Variants in TMEM9 observed in about 807,000 individuals in gnomAD.
The protein encoded by TMEM9 is transmembrane protein 9.
TMEM9 carries 13 observed loss-of-function variants against 22.8 expected under a neutral mutation model. The ratio of observed to expected loss-of-function variants is 0.57; its 90% confidence interval spans 0.37 to 0.91. The LOEUF is 0.91. Among genes scored for constraint, TMEM9 ranks in the 40% least tolerant of loss-of-function variants. The pLI is 0.01. For missense variants in TMEM9, 182 were observed against 238.1 expected (o/e 0.76, Z 1.55); for synonymous variants, 88 against 93.0 (o/e 0.95, Z 0.31).
intron 1 of TMEM9, among the ~76,000 whole-genome samples, chr1:201,159,939 G>A (rs907852765): frequency 7.2e-5 from 11 of 152,148 alleles, no homozygotes; most frequent in Admixed American, 6.5e-4. Flanking sequence ...GGTGCTACAT[G>A]TTCTGCTCCC....
chr1:201,140,065 G>A (rs1344924183), intron 4 of TMEM9, among the ~76,000 whole-genome samples: 1 of 152,232 alleles, frequency 6.6e-6, no homozygotes, highest in Admixed American at 6.5e-5. Context: ...GAACACAGCT[G>A]CCACCCATGT....
At chr1:201,152,785 T>C (rs1408143639) in intron 1 of TMEM9, among the ~76,000 whole-genome samples, 1 of 152,204 alleles carries the variant, frequency 6.6e-6, no homozygotes, top group Non-Finnish European at 1.5e-5. Context: ...GATGTTAACA[T>C]TGCAGAAAAG....
At chr1:201,139,336 G>A (rs906380119) in intron 4 of TMEM9, among the ~76,000 whole-genome samples, 5 of 152,176 alleles carry the variant, frequency 3.3e-5, no homozygotes, top group Non-Finnish European at 7.4e-5. Flanking sequence ...TCAGCAAGAG[G>A]ACTATACAGC....
intron 4 of TMEM9, among the ~76,000 whole-genome samples, chr1:201,140,454 G>A (rs750933553): frequency 9.2e-5 from 14 of 152,220 alleles, no homozygotes; most frequent in South Asian, 8.3e-4. Flanking sequence ...GGGAGGCAGC[G>A]CCCAGCAATC....
At chr1:201,166,535 G>C (rs548474048) in intron 1 of TMEM9, among the ~76,000 whole-genome samples, 1 of 151,856 alleles carries the variant, frequency 6.6e-6, no homozygotes, top group East Asian at 1.9e-4. Context: ...GCTAATTTTT[G>C]TGTTTTTAGT....
intron 2 of TMEM9, among the ~76,000 whole-genome samples, chr1:201,150,282 C>T (rs1665319464): frequency 6.6e-6 from 1 of 152,196 alleles, no homozygotes; most frequent in South Asian, 2.1e-4. Flanking sequence ...AAGGCTAGTG[C>T]TTCAGGAGGA....
At position 201,139,745 on chromosome 1, in the gene TMEM9, G is replaced by C. The variant is rs140642958; in HGVS notation, c.400-3930C>G. Among the ~76,000 whole-genome samples, 546 of 152,310 alleles carry C rather than the reference G, an allele frequency of 3.6e-3. 2 individuals carry two copies. The highest frequency in any genetic ancestry group is 0.013 in the African/African-American group (524 of 41,554). On this transcript the variant is annotated intron_variant, in intron 4 of 4. Coordinates refer to ENST00000367330, the MANE Select transcript of TMEM9 (RefSeq NM_001288565.2). The stretch of plus-strand genomic sequence containing the variant: ...ATTGAAATAGCGCATTCTTAAGGAC[G>C]AGCAAACACTTGTAAAGCTTCCATA...
intron 1 of TMEM9, 200 bp downstream of exon 1, chr1:201,153,658 C>T (rs1225495237): frequency 8.0e-7 from 1 of 1,257,652 alleles, no homozygotes; most frequent in African/African-American, 1.5e-5. Flanking sequence ...CTGTGCCCCA[C>T]CCTTCCTCAC....
intron 2 of TMEM9, among the ~76,000 whole-genome samples, chr1:201,150,784 C>T (rs762723658): frequency 3.0e-4 from 45 of 152,146 alleles, no homozygotes; most frequent in Non-Finnish European, 4.6e-4. Flanking sequence ...GAATCAAAAT[C>T]GAGCAGTGGT....
At position 201,154,193 on chromosome 1, in the gene TMEM9, G is replaced by C. The variant is rs926050845; in HGVS notation, c.-270C>G. On this transcript the variant is annotated 5_prime_UTR_variant, in exon 1 of 5. Transcript: ENST00000367330. ...GTCCTCGAGGGGACACCGCTGCCAG[G>C]GGCCTCCAGTTCCTTCTCAAGGCCC... The C allele has an allele frequency of 1.6e-5, 7 of 424,674 alleles. No individual in the cohort carries two copies. The highest frequency in any genetic ancestry group is 2.1e-5 in the Non-Finnish European group (5 of 236,006). 26.3% of individuals were successfully genotyped at this position (424,674 alleles called of 1,614,324 possible).
At chr1:201,141,382 T>A (rs1425987419) in intron 4 of TMEM9, among the ~76,000 whole-genome samples, 1 of 152,156 alleles carries the variant, frequency 6.6e-6, no homozygotes, top group East Asian at 1.9e-4. Context: ...CACAGACATC[T>A]GTGACCTGGA....
intron 3 of TMEM9, 48 bp from the exon 4 acceptor site, chr1:201,143,999 C>A (rs752192340): frequency 6.2e-7 from 1 of 1,604,600 alleles, no homozygotes; most frequent in Non-Finnish European, 8.5e-7. Context: ...GAGGCCAGGG[C>A]TAGAAATCCG....
rs186904711 is a variant in TMEM9 at position 201,167,284 on chromosome 1, A to G, written c.-37+4206T>C. On this transcript the variant is annotated intron_variant, in intron 1 of 5. Transcript: ENST00000367333. ...TTATTACTCAAATCAGTCTCTCTGAAGGCTCAGAGGTTAGGAGTTTTTCAA... is the reference window on the plus strand; with the variant it reads ...TTATTACTCAAATCAGTCTCTCTGAGGGCTCAGAGGTTAGGAGTTTTTCAA... Among the ~76,000 whole-genome samples the G allele has an allele frequency of 1.3e-5, 2 of 152,300 alleles. 1 individual carries two copies. The highest frequency in any genetic ancestry group is 1.3e-4 in the Admixed American group (2 of 15,298).
intron 4 of TMEM9, among the ~76,000 whole-genome samples, chr1:201,141,655 T>C (rs1664539640): frequency 6.6e-6 from 1 of 152,136 alleles, no homozygotes; most frequent in Non-Finnish European, 1.5e-5. Context: ...GGAGGGAGCA[T>C]GGCTCGCCAG....
chr1:201,146,099 G>A (rs942797672), intron 3 of TMEM9, among the ~76,000 whole-genome samples: 2 of 152,320 alleles, frequency 1.3e-5, no homozygotes, highest in South Asian at 2.1e-4. Flanking sequence ...CTGCTAGGGC[G>A]GCTTCACAGC....
chr1:201,157,688 C>T (rs772182015), upstream of TMEM9, among the ~76,000 whole-genome samples: 4 of 152,168 alleles, frequency 2.6e-5, no homozygotes, highest in East Asian at 1.9e-4. Flanking sequence ...TCCCACAGAA[C>T]TTGAAGTTTA....
intron 1 of TMEM9, among the ~76,000 whole-genome samples, chr1:201,153,554 A>T (rs932896560): frequency 6.6e-6 from 1 of 152,310 alleles, no homozygotes; most frequent in Admixed American, 6.5e-5. Flanking sequence ...CTTTGGTCCA[A>T]AGCAAAGGAA....
In TMEM9 at chr1:201,154,013, G is replaced by T. The variant is rs112830357; in HGVS notation, c.-90C>A. The T allele has an allele frequency of 2.9e-5, 43 of 1,463,338 alleles. No homozygotes were observed. The South Asian group carries it at 5.5e-4, about 19-fold the overall frequency. 90.6% of individuals were successfully genotyped at this position (1,463,338 alleles called of 1,614,324 possible). A position where few individuals can be genotyped will look rare whatever the true frequency, so the allele number is the denominator to read the frequency against. ...GGGGAAGGTGGCCACACCGCAGCCA[G>T]CACGCTAGGCCCTTAACCATCCGGC... On this transcript the variant is annotated 5_prime_UTR_variant, in exon 1 of 5. It adds an upstream start codon to the 5' untranslated region. Coordinates refer to ENST00000367330, the MANE Select transcript of TMEM9 (RefSeq NM_001288565.2).
chr1:201,151,475 TCTA>T (rs1665418049), intron 2 of TMEM9, among the ~76,000 whole-genome samples: 1 of 152,212 alleles, frequency 6.6e-6, no homozygotes. Context: ...TGCCAACTTC[TCTA>T]CTACTATTCT....
Sources: gnomAD v4.1 joint callset for allele counts (sites outside exome capture counted in the v4.1 genomes callset) on GRCh38, gnomAD v4.1.1 for gene constraint, MANE v1.5 for transcripts, NCBI Gene and HGNC (gene_info 2026-07-23, HGNC 2026-07-21) for gene names.